The following CSMD3 variants were observed in gnomAD, a reference collection of about 807,000 sequenced individuals.
The protein encoded by CSMD3 is CUB and Sushi multiple domains 3.
A neutral mutation model predicts 435.2 loss-of-function variants in CSMD3; 177 were observed. That is an observed-to-expected ratio of 0.41 (90% confidence interval 0.36 to 0.46). The LOEUF is 0.46. CSMD3 is among the 20% of genes least tolerant of loss of function. The probability of loss-of-function intolerance (pLI) is 0.34; values close to 1 mark genes in which losing one functional copy is unlikely to be tolerated. For missense variants in CSMD3, 4,265 were observed against 4,504.6 expected, an observed-to-expected ratio of 0.95 and a Z score of 1.52; for synonymous variants, 1,656 against 1,520.5, an observed-to-expected ratio of 1.09 and a Z score of -2.07.
At chr8:113,414,893 G>T (rs1047977996) in intron 1 of CSMD3, among the ~76,000 whole-genome samples, 8 of 152,144 alleles carry the variant, frequency 5.3e-5, no homozygotes, top group Admixed American at 5.2e-4. Context: ...TTCAGCCCAG[G>T]AGGCAGAGGT....
intron 27 of CSMD3, among the ~76,000 whole-genome samples, chr8:112,542,263 TC>T (rs1200359879): frequency 1.3e-5 from 2 of 150,160 alleles, no homozygotes; most frequent in African/African-American, 2.5e-5. Context: ...CCAAGGATGT[TC>T]ACTTCCCACT....
chr8:113,394,112 G>T (rs1306018208), intron 1 of CSMD3, among the ~76,000 whole-genome samples: 2 of 150,032 alleles, frequency 1.3e-5, no homozygotes, highest in Non-Finnish European at 3.0e-5. Flanking sequence ...GTATAGTCTA[G>T]CATTTTTATA....
intron 5 of CSMD3, among the ~76,000 whole-genome samples, chr8:113,064,462 CTT>C (rs2088764122): frequency 6.6e-6 from 1 of 151,988 alleles, no homozygotes; most frequent in Non-Finnish European, 1.5e-5. Flanking sequence ...TTATGCAAAA[CTT>C]GGGGTTTTTT....
At chr8:112,468,274 A>G (rs546248919) in intron 32 of CSMD3, among the ~76,000 whole-genome samples, 2 of 136,680 alleles carry the variant, frequency 1.5e-5, no homozygotes, top group Non-Finnish European at 3.1e-5. Flanking sequence ...GATCCACCTC[A>G]TATCTTCAGC....
chr8:112,483,603 A>G (rs1236099082), intron 31 of CSMD3, among the ~76,000 whole-genome samples: 2 of 152,204 alleles, frequency 1.3e-5, no homozygotes, highest in Non-Finnish European at 2.9e-5. Flanking sequence ...AGTGTCTGTT[A>G]GATCTGGTAT....
At chr8:113,224,755 A>G (rs1159523169) in intron 3 of CSMD3, among the ~76,000 whole-genome samples, 1 of 151,070 alleles carries the variant, frequency 6.6e-6, no homozygotes, top group African/African-American at 2.4e-5. Flanking sequence ...GAGGCAATAG[A>G]TGTGTCTTGT....
At chr8:113,285,552 C>T (rs1002369905) in intron 2 of CSMD3, among the ~76,000 whole-genome samples, 3 of 152,242 alleles carry the variant, frequency 2.0e-5, no homozygotes, top group African/African-American at 7.2e-5. Flanking sequence ...AGCCACCCCG[C>T]CCCGCCAGTT....
intron 32 of CSMD3, among the ~76,000 whole-genome samples, chr8:112,463,295 G>A (rs1365773439): frequency 6.6e-6 from 1 of 152,196 alleles, no homozygotes; most frequent in Non-Finnish European, 1.5e-5. Context: ...CCAAGAGGCA[G>A]AGGTTGCAGT....
chr8:112,854,882 T>G (rs2080602677), intron 11 of CSMD3, among the ~76,000 whole-genome samples: 1 of 152,012 alleles, frequency 6.6e-6, no homozygotes, highest in South Asian at 2.1e-4. Context: ...CACCTTTCAT[T>G]CTCCACACAG....
intron 45 of CSMD3, among the ~76,000 whole-genome samples, chr8:112,331,140 T>C (rs867960579): frequency 5.9e-5 from 9 of 152,092 alleles, no homozygotes; most frequent in South Asian, 4.1e-4. Flanking sequence ...TTACCACTAA[T>C]ATAGTGATGG....
rs1340637331 is a variant in CSMD3 at position 112,263,664 on chromosome 8, C to G, written c.9837G>C (p.Trp3279Cys). ...AVLTCVGNGT[W>C]SGEVPQCLPK... ...GTAAGCACTGCGGTACTTCACCACT[C>G]CAGGTACCATTCCCTACACAGGTCA... Residue 3279 changes from tryptophan (W) to cysteine (C), a missense_variant, in exon 61 of 71, where the codon TGG becomes TGC. Transcript: ENST00000297405. 1 of 1,613,562 alleles carries G rather than the reference C, an allele frequency of 6.2e-7. No homozygotes were observed. The highest frequency in any genetic ancestry group is 1.7e-5 in the Admixed American group (1 of 59,910).
chr8:113,118,389 C>T (rs1588107604), intron 4 of CSMD3, among the ~76,000 whole-genome samples: 1 of 152,136 alleles, frequency 6.6e-6, no homozygotes, highest in East Asian at 1.9e-4. Flanking sequence ...CAGTAATGTG[C>T]TGAGCTTAAA....
chr8:112,431,468 C>T (rs927369335), intron 32 of CSMD3, among the ~76,000 whole-genome samples: 2 of 151,930 alleles, frequency 1.3e-5, no homozygotes, highest in African/African-American at 2.4e-5. Flanking sequence ...ACATACAGTA[C>T]ACTAAAAGTT....
chr8:112,360,895 G>C (rs928249836), intron 38 of CSMD3, among the ~76,000 whole-genome samples: 3 of 151,814 alleles, frequency 2.0e-5, no homozygotes, highest in African/African-American at 7.2e-5. Flanking sequence ...TTCATGTGCA[G>C]TAAAGAAAAT....
At chr8:113,293,879 A>G (rs2093702209) in intron 2 of CSMD3, among the ~76,000 whole-genome samples, 2 of 152,168 alleles carry the variant, frequency 1.3e-5, no homozygotes, top group Non-Finnish European at 2.9e-5. Flanking sequence ...TAAATACTTT[A>G]CATTTAGTTA....
intron 18 of CSMD3, among the ~76,000 whole-genome samples, chr8:112,651,285 G>A (rs1047086688): frequency 6.6e-6 from 1 of 151,952 alleles, no homozygotes; most frequent in African/African-American, 2.4e-5. Context: ...ATATTTATAT[G>A]AGAAAATATT....
At chr8:113,165,052 T>C (rs1181876280) in intron 4 of CSMD3, among the ~76,000 whole-genome samples, 1 of 152,170 alleles carries the variant, frequency 6.6e-6, no homozygotes, top group Non-Finnish European at 1.5e-5. Context: ...ACTGAGTTTA[T>C]ATCCTAGCAG....
intron 30 of CSMD3, among the ~76,000 whole-genome samples, chr8:112,502,463 C>A (rs895024491): frequency 3.3e-5 from 5 of 152,216 alleles, no homozygotes; most frequent in Non-Finnish European, 7.3e-5. Flanking sequence ...CTTGCCCTGG[C>A]ATACAGTTCC....
chr8:112,552,261 G>A (rs1055333238), intron 26 of CSMD3, among the ~76,000 whole-genome samples: 3 of 151,918 alleles, frequency 2.0e-5, no homozygotes, highest in Non-Finnish European at 2.9e-5. Flanking sequence ...TTGGGAGGCA[G>A]AATTGCTTGA....
Sources: gnomAD v4.1 joint callset for allele counts (sites outside exome capture counted in the v4.1 genomes callset) on GRCh38, gnomAD v4.1.1 for gene constraint, MANE v1.5 for transcripts, NCBI Gene and HGNC (gene_info 2026-07-23, HGNC 2026-07-21) for gene names.